The following KIF23 variants were observed in gnomAD, a reference collection of about 807,000 sequenced individuals.
The protein encoded by KIF23 is kinesin family member 23, also known as kinesin-like protein KIF23.
Under a neutral mutation model 137.5 loss-of-function variants are expected in KIF23, and 30 were observed. The ratio of observed to expected loss-of-function variants is 0.22; its 90% CI spans 0.16 to 0.30. The LOEUF is 0.30. Ranked by LOEUF, KIF23 falls within the 10% of genes least tolerant of loss-of-function variation. The probability of loss-of-function intolerance (pLI) is 1.00; values close to 1 mark genes in which losing one functional copy is unlikely to be tolerated. For missense variants in KIF23, 920 were observed against 1,194.3 expected, an observed-to-expected ratio of 0.77 and a Z score of 3.38; for synonymous variants, 367 against 391.1, an observed-to-expected ratio of 0.94 and a Z score of 0.73.
intron 1 of KIF23, 24 bp downstream of exon 1, chr15:69,414,500 GGA>G (rs772721182): frequency 5.1e-6 from 8 of 1,564,132 alleles, no homozygotes; most frequent in Admixed American, 1.8e-5. Flanking sequence ...CGCCGAGCAG[GGA>G]GAGAGGGCGG....
intron 15 of KIF23, 54 bp downstream of exon 15, chr15:69,436,776 A>G: frequency 8.6e-7 from 1 of 1,159,240 alleles, no homozygotes; most frequent in South Asian, 2.0e-5. Flanking sequence ...TTTTTTTGAG[A>G]CATAGTTTCA....
rs188535735 is a variant in KIF23, at chr15:69,434,738, G to A, written c.1115-745G>A. ...GATCAGGGATCTTCTCCTTGGGCAC[G>A]AACGCGCTGACTGGGCAGGAGGCCA... On this transcript the variant is annotated intron_variant, in intron 11 of 23. Transcript: ENST00000679126. 1,347 of 1,284,608 alleles carry A rather than the reference G, an allele frequency of 1.0e-3. 14 individuals carry two copies. The African/African-American group carries it at 0.018, about 17-fold the overall frequency. 79.6% of individuals were successfully genotyped at this position (1,284,608 alleles called of 1,614,324 possible).
intron 11 of KIF23, among the ~76,000 whole-genome samples, chr15:69,434,301 T>G (rs900560675): frequency 6.6e-6 from 1 of 152,260 alleles, no homozygotes; most frequent in Non-Finnish European, 1.5e-5. Flanking sequence ...GTCCATCCCT[T>G]CTAGTTCATG....
At chr15:69,435,156 A>T (rs1410982176) in intron 11 of KIF23, 10 of 460,180 alleles carry the variant, frequency 2.2e-5, no homozygotes, top group African/African-American at 2.0e-4. Flanking sequence ...TAATATGAGG[A>T]TATTAAACAT....
chr15:69,423,065 C>T, intron 6 of KIF23, 94 bp from the exon 7 acceptor site: 2 of 830,152 alleles, frequency 2.4e-6, no homozygotes, highest in Non-Finnish European at 3.9e-6. Context: ...TCCCAAAGTG[C>T]TGGGATTATA....
intron 11 of KIF23, chr15:69,435,204 G>A: frequency 2.1e-6 from 1 of 476,052 alleles, no homozygotes; most frequent in Non-Finnish European, 3.7e-6. Context: ...TTTAGGATTT[G>A]GAAGAAACCT....
intron 3 of KIF23, among the ~76,000 whole-genome samples, chr15:69,418,989 T>C (rs1343314330): frequency 1.3e-5 from 2 of 152,050 alleles, no homozygotes; most frequent in African/African-American, 2.4e-5. Flanking sequence ...TGATGACGTG[T>C]GCCTGTAATC....
At chr15:69,414,809 T>G in intron 1 of KIF23, 1 of 300,454 alleles carries the variant, frequency 3.3e-6, no homozygotes, top group Non-Finnish European at 6.1e-6. Context: ...GGGACAGCCT[T>G]TCCCTTCTCC....
At chr15:69,429,058 A>G in intron 10 of KIF23, 53 bp from the exon 11 acceptor site, 1 of 1,203,404 alleles carries the variant, frequency 8.3e-7, no homozygotes, top group Non-Finnish European at 1.2e-6. Context: ...TTTAAAGAAC[A>G]TTATAAACCA....
chr15:69,440,252 G>A (rs1418290674), intron 17 of KIF23, 56 bp from the exon 18 acceptor site: 5 of 1,554,606 alleles, frequency 3.2e-6, no homozygotes, highest in Non-Finnish European at 4.4e-6. Flanking sequence ...GGGTAATCTG[G>A]TGTACTCGTT....
rs747759022 is a variant in KIF23 at position 69,441,051 on chromosome 15, T to G, written c.2393T>G (p.Ile798Arg). 6.2e-7 allele frequency: 1 copy of G among 1,613,650 alleles called. No homozygotes were observed. The highest frequency in any genetic ancestry group is 2.2e-5 in the East Asian group (1 of 44,882). Residue 798 changes from isoleucine (I) to arginine (R), a missense_variant, in exon 19 of 24, where the codon ATA becomes AGA. Ile to Arg is a moderately conservative substitution (Grantham distance 97). Coordinates refer to ENST00000679126, the MANE Select transcript of KIF23 (RefSeq NM_001367805.3). ...REVVPTFRNE[I>R]EIEEDHCGRL... ...GTGGTTCCTACATTCAGAAATGAGATAGAAATAGAAGAGGATCATTGCGGC... is the reference window on the plus strand; with the variant it reads ...GTGGTTCCTACATTCAGAAATGAGAGAGAAATAGAAGAGGATCATTGCGGC...
Position 69,436,729 on chromosome 15 carries a change from G to T in KIF23, c.1597+7G>T. The T allele has an allele frequency of 2.0e-6, 3 of 1,475,738 alleles. No homozygotes were observed. Among genetic ancestry groups the T allele is most frequent in the South Asian group, 1.4e-5 (1 of 69,088 alleles). 91.4% of individuals were successfully genotyped at this position (1,475,738 alleles called of 1,614,324 possible). A position where few individuals can be genotyped will look rare whatever the true frequency, so the allele number is the denominator to read the frequency against. On this transcript the variant is annotated splice_region_variant and intron_variant, in intron 15 of 23. Transcript: ENST00000679126. ...GATGAGTTTAACAAACAATGTAAGG[G>T]CAAAACTATTTGAAATAATTTTATT... is the stretch of plus-strand genomic sequence containing the variant.
Position 69,440,886 on chromosome 15 carries a change from G to A in KIF23, c.2228G>A (p.Trp743Ter). The A allele has an allele frequency of 6.2e-7, 1 of 1,614,168 alleles. No individual in the cohort carries two copies. Among genetic ancestry groups the A allele is most frequent in the African/African-American group, 1.3e-5 (1 of 75,028 alleles). The change falls in exon 19 of 24, where the codon TGG (tryptophan) becomes TAG (stop). Residue 743 changes from tryptophan (W) to a stop codon, truncating the protein, a stop_gained. Coordinates refer to ENST00000679126, the MANE Select transcript of KIF23 (RefSeq NM_001367805.3). LOFTEE classifies it high-confidence loss of function. ...SISVASCISEWEQKIPTYNTP... is the reference protein window; with the variant it reads ...SISVASCISE ...TCTGTAGCTTCCTGTATTTCGGAAT[G>A]GGAGCAGAAAATTCCTACGTACAAC...
chr15:69,445,961 C>T (rs760482166), intron 20 of KIF23, 48 bp from the exon 21 acceptor site: 8 of 1,277,530 alleles, frequency 6.3e-6, no homozygotes, highest in African/African-American at 4.5e-5. Context: ...GTGTGTTTTT[C>T]GTTTGGGTGT....
intron 19 of KIF23, among the ~76,000 whole-genome samples, chr15:69,441,570 A>G (rs199981402): frequency 3.0e-4 from 45 of 152,278 alleles, no homozygotes; most frequent in Non-Finnish European, 6.2e-4. Flanking sequence ...TAAGTTTACC[A>G]ATTGTTACTT....
At position 69,436,189 on chromosome 15, in the gene KIF23, G is replaced by T; in HGVS notation, c.1366G>T (p.Val456Leu). ...VTQEVEVARPVDKAICGLTPG... is the reference protein window; with the variant it reads ...VTQEVEVARPLDKAICGLTPG... ...TCAAGAAGTTGAAGTAGCAAGACCT[G>T]TAGACAAGGCAATATGTGGTTTAAC... The change falls in exon 14 of 24, where the codon GTA becomes TTA. Residue 456 changes from valine (V) to leucine (L), a missense_variant. By Grantham distance (32) the Val-to-Leu change is conservative. This residue lies in a region of KIF23 where 714 missense variants were observed against 866.2 expected (regional missense o/e 0.82). Coordinates refer to ENST00000679126, the MANE Select transcript of KIF23 (RefSeq NM_001367805.3). 1 of 1,614,024 alleles carries T rather than the reference G, an allele frequency of 6.2e-7. No homozygotes were observed. Among genetic ancestry groups the T allele is most frequent in the Non-Finnish European group, 8.5e-7 (1 of 1,179,972 alleles).
At chr15:69,446,260 G>T (rs1463027557) in intron 21 of KIF23, 23 bp from the exon 22 acceptor site, 3 of 1,601,622 alleles carry the variant, frequency 1.9e-6, no homozygotes, top group Non-Finnish European at 2.6e-6. Context: ...AATAATTGTT[G>T]CATCATGTTT....
At chr15:69,445,357 A>G (rs2057717355) in intron 20 of KIF23, among the ~76,000 whole-genome samples, 1 of 152,186 alleles carries the variant, frequency 6.6e-6, no homozygotes, top group Non-Finnish European at 1.5e-5. Context: ...AAGAATTCCT[A>G]TTGCTCTCCA....
intron 19 of KIF23, among the ~76,000 whole-genome samples, chr15:69,442,675 T>G (rs1187274256): frequency 6.6e-6 from 1 of 152,228 alleles, no homozygotes. Context: ...CCAACTCTAG[T>G]CAGTCATTTT....
Sources: gnomAD v4.1 joint callset for allele counts (sites outside exome capture counted in the v4.1 genomes callset) on GRCh38, gnomAD v4.1.1 for gene constraint, gnomAD v4.1.1 regional missense constraint, MANE v1.5 for transcripts, NCBI Gene and HGNC (gene_info 2026-07-23, HGNC 2026-07-21) for gene names.